The following BIK variants were observed in gnomAD, a reference collection of about 807,000 sequenced individuals.
The protein encoded by BIK is bcl-2-interacting killer.
BIK carries 14 observed loss-of-function variants against 12.1 expected under a neutral mutation model. The ratio of observed to expected loss-of-function variants is 1.16; its 90% CI spans 0.77 to 1.81. BIK has a LOEUF of 1.81. Ranked by LOEUF, BIK falls within the 40% of genes most tolerant of loss-of-function variation. The probability of loss-of-function intolerance (pLI) is 0.00; values close to 1 mark genes in which losing one functional copy is unlikely to be tolerated. For synonymous variants in BIK, 86 were observed against 92.3 expected (o/e 0.93, Z 0.39); for missense variants, 215 against 207.9 (o/e 1.03, Z -0.21).
chr22:43,129,676 G>A lies in BIK; in HGVS notation c.*371G>A. The A allele has an allele frequency of 3.9e-6, 1 of 253,966 alleles. No individual in the cohort carries two copies. The allele number at this position is 253,966 out of a possible 1,614,324, so 15.7% of individuals were successfully genotyped here. Reference sequence around the variant, plus strand: ...AAGAATCTACTGGAATAGATTCCGAGGAGCAGGAGTGCTCAATAAAATGTT... The same window carrying A: ...AAGAATCTACTGGAATAGATTCCGAAGAGCAGGAGTGCTCAATAAAATGTT... On this transcript the variant is annotated 3_prime_UTR_variant, in exon 5 of 5. Transcript: ENST00000216115.
At chr22:43,126,817 C>T (rs1930324949) in intron 2 of BIK, among the ~76,000 whole-genome samples, 1 of 152,076 alleles carries the variant, frequency 6.6e-6, no homozygotes, top group Non-Finnish European at 1.5e-5. Context: ...CCTGAGGTTT[C>T]CCAGGGTAAC....
intron 2 of BIK, among the ~76,000 whole-genome samples, chr22:43,124,577 A>G (rs1202041346): frequency 6.6e-6 from 1 of 152,148 alleles, no homozygotes; most frequent in Admixed American, 6.5e-5. Context: ...ATCCCAAGAG[A>G]GGGTTCTTAG....
chr22:43,124,265 G>A (rs951957933), intron 2 of BIK, 82 bp downstream of exon 2: 12 of 1,507,264 alleles, frequency 8.0e-6, no homozygotes, highest in African/African-American at 1.4e-5. Flanking sequence ...CTATGAGCGG[G>A]GGAGCGCCTG....
chr22:43,129,377 G>A lies in BIK; in HGVS notation c.*72G>A, dbSNP rs1416759141. ...GCCCTGGAGGTGGCGGCCTGCTGCT[G>A]TTATCTTTTTAACTGTTTTCTCATG... On this transcript the variant is annotated 3_prime_UTR_variant, in exon 5 of 5. Transcript: ENST00000216115. The A allele has an allele frequency of 2.0e-6, 3 of 1,521,146 alleles. No individual in the cohort carries two copies. Among genetic ancestry groups the A allele is most frequent in the Non-Finnish European group, 2.6e-6 (3 of 1,144,990 alleles). 94.2% of individuals were successfully genotyped at this position (1,521,146 alleles called of 1,614,324 possible). A position where few individuals can be genotyped will look rare whatever the true frequency, so the allele number is the denominator to read the frequency against.
rs148407250 is a variant in BIK at position 43,129,256 on chromosome 22, C to A, written c.434C>A (p.Ala145Glu). The A allele has an allele frequency of 3.8e-6, 6 of 1,593,164 alleles. No individual in the cohort carries two copies. The East Asian group carries it at 1.1e-4, about 30-fold the overall frequency. ...QVLLALLLLL[A>E]LLLPLLSGGL... The stretch of plus-strand genomic sequence containing the variant: ...CTGCTGGCGCTGCTGCTGCTGCTGG[C>A]GCTGCTGCTGCCGCTGCTCAGCGGG... The change falls in exon 5 of 5, where the codon GCG (alanine) becomes GAG (glutamate). Residue 145 changes from alanine to glutamate, a missense_variant. Ala to Glu is a moderately radical substitution (Grantham distance 107). Transcript: ENST00000216115.
chr22:43,124,251 CATT>C, intron 2 of BIK, 68 bp downstream of exon 2: 1 of 1,571,022 alleles, frequency 6.4e-7, no homozygotes, highest in Admixed American at 1.8e-5. Context: ...GATGAGCAGA[CATT>C]CTATGAGCGG....
intron 1 of BIK, among the ~76,000 whole-genome samples, 190 bp from the exon 2 acceptor site, chr22:43,123,826 G>T (rs1188935674): frequency 2.0e-5 from 3 of 152,176 alleles, no homozygotes; most frequent in Non-Finnish European, 2.9e-5. Context: ...TAGGCGACTT[G>T]CCCAGAGGCA....
Position 43,129,200 on chromosome 22 carries a change from T to G in BIK, c.391-13T>G. 6.2e-7 allele frequency: 1 copy of G among 1,603,776 alleles called. No homozygotes were observed. The highest frequency in any genetic ancestry group is 8.5e-7 in the Non-Finnish European group (1 of 1,179,832). On this transcript the variant is annotated splice_polypyrimidine_tract_variant and intron_variant, in intron 4 of 4. Coordinates refer to ENST00000216115, the MANE Select transcript of BIK (RefSeq NM_001197.5). ...CCTGCCCCGAGCCTGACTCCTCTGCTTTGCTCCCACAGGTGTCCTGCGAAC... is the reference window on the plus strand; with the variant it reads ...CCTGCCCCGAGCCTGACTCCTCTGCGTTGCTCCCACAGGTGTCCTGCGAAC...
rs759887547 is a variant in BIK at position 43,129,228 on chromosome 22, GTGCTGCTGGCGCTGCTGC to G, written c.428_445del (p.Leu143_Leu148del). On this transcript the variant is annotated inframe_deletion, in exon 5 of 5. Transcript: ENST00000216115. ...GCTCCCACAGGTGTCCTGCGAACAG[GTGCTGCTGGCGCTGCTGC>G]TGCTGCTGGCGCTGCTGCTGCCGCT... 5.1e-3 allele frequency: 8,172 copies of G among 1,604,828 alleles called. 79 individuals carry two copies. Among genetic ancestry groups the G allele is most frequent in the Middle Eastern group, 0.028 (160 of 5,624 alleles).
rs139577468 is a variant in BIK at position 43,116,047 on chromosome 22, C to T, written c.-8+5244C>T. Among the ~76,000 whole-genome samples, 913 of 152,212 alleles carry T rather than the reference C, an allele frequency of 6.0e-3. 4 individuals are homozygous for T. Among genetic ancestry groups the T allele is most frequent in the Middle Eastern group, 0.014 (4 of 294 alleles). ...CTGGGATTACAGGAGGGAGCCACCGCGCCCCGGCCCAGAACTTGTTTTAAA... is the reference window on the plus strand; with the variant it reads ...CTGGGATTACAGGAGGGAGCCACCGTGCCCCGGCCCAGAACTTGTTTTAAA... On this transcript the variant is annotated intron_variant, in intron 1 of 4. Coordinates refer to ENST00000216115, the MANE Select transcript of BIK (RefSeq NM_001197.5).
intron 1 of BIK, among the ~76,000 whole-genome samples, chr22:43,115,352 G>A (rs772811720): frequency 6.6e-6 from 1 of 152,158 alleles, no homozygotes; most frequent in Non-Finnish European, 1.5e-5. Flanking sequence ...AGTTCATAGG[G>A]GAGACCCAAA....
chr22:43,126,086 A>G (rs1179528521), intron 2 of BIK, among the ~76,000 whole-genome samples: 1 of 149,344 alleles, frequency 6.7e-6, no homozygotes, highest in Admixed American at 6.7e-5. Flanking sequence ...GTGCAGTGGC[A>G]TGATCTTGGC....
intron 1 of BIK, among the ~76,000 whole-genome samples, chr22:43,112,323 T>C (rs1930027129): frequency 6.6e-6 from 1 of 151,792 alleles, no homozygotes; most frequent in Non-Finnish European, 1.5e-5. Context: ...CTCAGCCTCC[T>C]AGTAGCTGGG....
chr22:43,117,606 G>A (rs897656913), intron 1 of BIK, among the ~76,000 whole-genome samples: 1 of 151,698 alleles, frequency 6.6e-6, no homozygotes, highest in East Asian at 1.9e-4. Context: ...TCCTGACCTT[G>A]TGATCTGCAC....
intron 1 of BIK, among the ~76,000 whole-genome samples, chr22:43,112,356 C>T (rs1930027881): frequency 6.6e-6 from 1 of 151,902 alleles, no homozygotes; most frequent in Non-Finnish European, 1.5e-5. Context: ...TACCACGAGG[C>T]CCAGCTAATT....
chr22:43,124,324 G>C, intron 2 of BIK, 141 bp downstream of exon 2: 1 of 1,047,370 alleles, frequency 9.5e-7, no homozygotes, highest in South Asian at 1.6e-5. Context: ...CCCGGATGTG[G>C]GCATGGAGGC....
chr22:43,122,473 C>T (rs1488258580), intron 1 of BIK, among the ~76,000 whole-genome samples: 1 of 152,176 alleles, frequency 6.6e-6, no homozygotes, highest in Non-Finnish European at 1.5e-5. Flanking sequence ...GAAATTGACA[C>T]ACTGCTGCTA....
intron 1 of BIK, among the ~76,000 whole-genome samples, chr22:43,121,446 T>C (rs1369420013): frequency 6.6e-6 from 1 of 152,186 alleles, no homozygotes; most frequent in African/African-American, 2.4e-5. Context: ...TGGGGCCTTC[T>C]TCCTATCTGG....
intron 1 of BIK, among the ~76,000 whole-genome samples, chr22:43,113,684 C>A (rs55884357): frequency 6.7e-4 from 102 of 152,296 alleles, no homozygotes; most frequent in African/African-American, 2.2e-3. Context: ...GCTTGATTGG[C>A]CAGTGAGTCT....
Sources: gnomAD v4.1 joint callset for allele counts (sites outside exome capture counted in the v4.1 genomes callset) on GRCh38, gnomAD v4.1.1 for gene constraint, MANE v1.5 for transcripts, NCBI Gene and HGNC (gene_info 2026-07-23, HGNC 2026-07-21) for gene names.